The following ZFP64 variants were observed in gnomAD, a reference collection of about 807,000 sequenced individuals.
The protein encoded by ZFP64 is zinc finger protein 64.
In ZFP64, 14 loss-of-function variants were observed where a neutral mutation model predicts 51.6. That is an observed-to-expected ratio of 0.27 (90% CI 0.18 to 0.42). The LOEUF (loss-of-function observed/expected upper bound fraction) is 0.42. Among genes scored for constraint, ZFP64 ranks in the 10% least tolerant of loss-of-function variants. ZFP64 has a pLI of 1.00. For missense variants in ZFP64, 754 were observed against 906.8 expected (o/e 0.83, Z 2.16); for synonymous variants, 375 against 361.4 (o/e 1.04, Z -0.43).
intron 5 of ZFP64, among the ~76,000 whole-genome samples, chr20:52,145,321 G>A (rs1980470641): frequency 6.6e-6 from 1 of 152,200 alleles, no homozygotes; most frequent in Admixed American, 6.5e-5. Context: ...GTAACACAAT[G>A]GTAAGTACTT....
intron 2 of ZFP64, among the ~76,000 whole-genome samples, chr20:52,174,328 A>G (rs1343722478): frequency 6.6e-6 from 1 of 152,136 alleles, no homozygotes; most frequent in Non-Finnish European, 1.5e-5. Context: ...TCTACTAAAA[A>G]TACAAAAATT....
In ZFP64 at chr20:52,160,013, G is replaced by C; in HGVS notation, c.763+110C>G. ...AACAAAACTGCAAACAACGGGATGA[G>C]CAAAGGTTCCAACTCGATTTCTTAC... On this transcript the variant is annotated intron_variant, in intron 5 of 5. Coordinates refer to ENST00000216923, the MANE Select transcript of ZFP64 (RefSeq NM_018197.3). The surrounding 1 kb of genome is among the most constrained non-coding windows in gnomAD (Gnocchi z 4.2). 3 of 1,544,506 alleles carry C rather than the reference G, an allele frequency of 1.9e-6. No homozygotes were observed. The highest frequency in any genetic ancestry group is 2.6e-6 in the Non-Finnish European group (3 of 1,142,588).
chr20:52,093,143 A>AT lies in ZFP64; in HGVS notation c.976+4229dup, dbSNP rs564342669. Among the ~76,000 whole-genome samples, 954 of 147,446 alleles carry AT rather than the reference A, an allele frequency of 6.5e-3. 10 individuals are homozygous for AT. The highest frequency in any genetic ancestry group is 0.021 in the African/African-American group (832 of 40,094). ...TCCAAATCAGGAGATTAAAAAAAAA[A>AT]TTTTTTTTTTTTTAATAGACAGAGC... is the stretch of plus-strand genomic sequence containing the variant. On this transcript the variant is annotated intron_variant, in intron 7 of 8. Transcript: ENST00000361387.
chr20:52,104,854 A>C (rs948295071), intron 5 of ZFP64: 1 of 658,374 alleles, frequency 1.5e-6, no homozygotes, highest in African/African-American at 1.8e-5. Flanking sequence ...GGGTCCTCTG[A>C]GCATCCTTCC....
At chr20:52,092,094 C>T (rs560196697) in intron 7 of ZFP64, among the ~76,000 whole-genome samples, 5 of 152,248 alleles carry the variant, frequency 3.3e-5, no homozygotes, top group African/African-American at 1.2e-4. Flanking sequence ...GCACAGTATG[C>T]AATTCAAGAA....
chr20:52,116,725 C>A (rs752775065), intron 5 of ZFP64, among the ~76,000 whole-genome samples: 7 of 152,104 alleles, frequency 4.6e-5, no homozygotes, highest in Admixed American at 6.6e-5. Context: ...GCATAATTTG[C>A]ATTATGCATA....
At chr20:52,128,114 G>T (rs1979532285) in intron 5 of ZFP64, among the ~76,000 whole-genome samples, 1 of 152,160 alleles carries the variant, frequency 6.6e-6, no homozygotes, top group Non-Finnish European at 1.5e-5. Flanking sequence ...AGAGCAAGAG[G>T]TTGTGTCAAA....
intron 5 of ZFP64, among the ~76,000 whole-genome samples, chr20:52,127,546 C>T (rs1049409745): frequency 6.6e-6 from 1 of 152,170 alleles, no homozygotes; most frequent in African/African-American, 2.4e-5. Flanking sequence ...GAAGAAGGTG[C>T]CTTGCTTCCC....
Position 52,172,943 on chromosome 20 carries a change from T to G in ZFP64, c.287-6918A>C, listed in dbSNP as rs181636793. ...ATTGCTTATTGTATTTAGTTCTGGTTTGTAGCAGGGGCATATTCAGTTATT... is the reference window on the plus strand; with the variant it reads ...ATTGCTTATTGTATTTAGTTCTGGTGTGTAGCAGGGGCATATTCAGTTATT... On this transcript the variant is annotated intron_variant, in intron 2 of 5. Transcript: ENST00000216923. Among the ~76,000 whole-genome samples the G allele has an allele frequency of 5.6e-4, 85 of 152,308 alleles. 1 individual carries two copies. Among genetic ancestry groups the G allele is most frequent in the African/African-American group, 2.0e-3 (85 of 41,560 alleles).
At chr20:52,179,971 G>A (rs779237461) in intron 2 of ZFP64, among the ~76,000 whole-genome samples, 1 of 152,222 alleles carries the variant, frequency 6.6e-6, no homozygotes, top group Non-Finnish European at 1.5e-5. Flanking sequence ...GAGGGGAGGA[G>A]GATGTCTGGT....
At chr20:52,124,347 G>A (rs76666138) in intron 5 of ZFP64, among the ~76,000 whole-genome samples, 2 of 152,220 alleles carry the variant, frequency 1.3e-5, no homozygotes, top group African/African-American at 4.8e-5. Flanking sequence ...ATTGCTTCTG[G>A]GGAGCGAAGT....
exon 8 of ZFP64, chr20:52,088,401 A>T (rs2078886576): frequency 6.2e-7 from 1 of 1,608,472 alleles, no homozygotes; most frequent in Non-Finnish European, 8.5e-7. Flanking sequence ...CCCGTGTGAG[A>T]TCGCAGGTGG....
At position 52,098,079 on chromosome 20, in the gene ZFP64, AG is replaced by A. The variant is rs1163034051; in HGVS notation, c.913+358del. On this transcript the variant is annotated intron_variant, in intron 6 of 8. Coordinates refer to the ZFP64 transcript ENST00000361387. ...AGACCTTGTCTTGGGATGCTGAGGCAGGAGAATTGCTAGAACCTGAGAGGCG... is the reference window on the plus strand; with the variant it reads ...AGACCTTGTCTTGGGATGCTGAGGCAGAGAATTGCTAGAACCTGAGAGGCG... Among the ~76,000 whole-genome samples, 14 of 149,970 alleles carry A rather than the reference AG, an allele frequency of 9.3e-5. No individual in the cohort carries two copies. In the Admixed American group the frequency reaches 9.4e-4, roughly 10 times the overall value.
rs1370041378 is a variant in ZFP64, at chr20:52,084,377, C to T, written c.*180G>A. The T allele has an allele frequency of 6.5e-6, 4 of 614,692 alleles. No individual in the cohort carries two copies. The African/African-American group carries it at 7.4e-5, about 11-fold the overall frequency. The allele number at this position is 614,692 out of a possible 1,614,324, so 38.1% of individuals were successfully genotyped here. On this transcript the variant is annotated 3_prime_UTR_variant, in exon 9 of 9. Transcript: ENST00000361387. ...ACAAATGCGAGGAGTGTCTCCACAG[C>T]CCTGCTTTGCTTTGCTTTCGTCACT...
intron 8 of ZFP64, among the ~76,000 whole-genome samples, chr20:52,086,392 C>G (rs532233599): frequency 6.6e-6 from 1 of 152,050 alleles, no homozygotes; most frequent in East Asian, 1.9e-4. Flanking sequence ...TTTTAACTTG[C>G]TTCTTGATTA....
chr20:52,136,465 ATT>A (rs1442241512), intron 5 of ZFP64, among the ~76,000 whole-genome samples: 1 of 152,192 alleles, frequency 6.6e-6, no homozygotes, highest in Non-Finnish European at 1.5e-5. Flanking sequence ...AATTAAAATA[ATT>A]GAGAAATATT....
chr20:52,159,472 A>G (rs1341354298), intron 5 of ZFP64, among the ~76,000 whole-genome samples: 1 of 152,246 alleles, frequency 6.6e-6, no homozygotes, highest in Non-Finnish European at 1.5e-5. Flanking sequence ...AGTTATAGAA[A>G]GAGATATACA....
chr20:52,162,237 GCAGTGTGCTGAGATTGTGCCACTGCGCTA>G (rs1981869171), intron 4 of ZFP64, among the ~76,000 whole-genome samples: 1 of 152,114 alleles, frequency 6.6e-6, no homozygotes, highest in Non-Finnish European at 1.5e-5. Flanking sequence ...GGCGGAGGTT[GCAGTGTGCTGAGATTGTGCCACTGCGCTA>G]CAGCCTGGGT....
chr20:52,105,243 G>A lies in ZFP64; in HGVS notation c.764-6656C>T, dbSNP rs544865549. On this transcript the variant is annotated intron_variant, in intron 5 of 8. Coordinates refer to the ZFP64 transcript ENST00000361387. ...GCCTGCTTGCGCCGCGACATGGCGC[G>A]AGGACCGGGCTCCCCGCGCGTCCCT... The A allele has an allele frequency of 9.1e-5, 121 of 1,336,784 alleles. No individual in the cohort carries two copies. In the East Asian group the frequency reaches 3.3e-3, roughly 37 times the overall value. 82.8% of individuals were successfully genotyped at this position (1,336,784 alleles called of 1,614,324 possible). A position where few individuals can be genotyped will look rare whatever the true frequency, so the allele number is the denominator to read the frequency against.
Sources: allele counts gnomAD v4.1 joint callset (sites outside exome capture counted in the v4.1 genomes callset), GRCh38; gene constraint gnomAD v4.1.1; non-coding constraint Gnocchi (gnomAD v3.1); transcripts MANE v1.5; gene names NCBI Gene and HGNC (gene_info 2026-07-23, HGNC 2026-07-21).